Variants in ZNF532 observed in about 807,000 individuals in gnomAD.
The protein encoded by ZNF532 is zinc finger protein 532.
A neutral mutation model predicts 89.3 loss-of-function variants in ZNF532; 22 were observed. The observed-to-expected ratio is 0.25, with a 90% CI of 0.18 to 0.35. The LOEUF is 0.35. Ranked by LOEUF, ZNF532 falls within the 10% of genes least tolerant of loss-of-function variation. The pLI, the probability that ZNF532 is intolerant of heterozygous loss-of-function variation, is 1.00. For synonymous variants in ZNF532, 606 were observed against 649.6 expected, an observed-to-expected ratio of 0.93 and a Z score of 1.02; for missense variants, 1,132 against 1,643.4, an observed-to-expected ratio of 0.69 and a Z score of 5.38.
At chr18:58,973,089 A>C (rs2066644982) in intron 7 of ZNF532, among the ~76,000 whole-genome samples, 1 of 152,158 alleles carries the variant, frequency 6.6e-6, no homozygotes, top group Non-Finnish European at 1.5e-5. Flanking sequence ...TGTTTTACCT[A>C]CTAATTGAAA....
intron 7 of ZNF532, among the ~76,000 whole-genome samples, chr18:58,963,919 T>G (rs2065639979): frequency 6.6e-6 from 1 of 152,094 alleles, no homozygotes; most frequent in Non-Finnish European, 1.5e-5. Context: ...ATTGCCCCCC[T>G]TAATCTCCCT....
chr18:58,866,188 G>A (rs2056443546), intron 2 of ZNF532, among the ~76,000 whole-genome samples: 4 of 152,158 alleles, frequency 2.6e-5, no homozygotes, highest in African/African-American at 4.8e-5. Flanking sequence ...GGGGGAAGCC[G>A]GGTAGTCTGG....
At chr18:58,983,033 A>G (rs1603355428) in intron 9 of ZNF532, among the ~76,000 whole-genome samples, 1 of 151,848 alleles carries the variant, frequency 6.6e-6, no homozygotes, top group African/African-American at 2.4e-5. Context: ...AATCGCTTGA[A>G]CCCGGGAGGC....
intron 7 of ZNF532, among the ~76,000 whole-genome samples, chr18:58,959,275 T>G (rs2065115771): frequency 6.6e-6 from 1 of 150,536 alleles, no homozygotes; most frequent in Non-Finnish European, 1.5e-5. Flanking sequence ...TTTTTGTTTT[T>G]TTTTGGTTTT....
intron 7 of ZNF532, among the ~76,000 whole-genome samples, chr18:58,974,124 G>A (rs977563959): frequency 4.6e-5 from 7 of 151,636 alleles, no homozygotes; most frequent in African/African-American, 1.7e-4. Flanking sequence ...AATAAGCTCA[G>A]TTTTTTTTGC....
chr18:58,918,954 G>A lies in ZNF532; in HGVS notation c.667G>A (p.Ala223Thr), dbSNP rs780367140. ...SVYEPFKVRK[A>T]EDKLKESSDK... ...TTATGAACCTTTTAAAGTCAGAAAA[G>A]CAGAGGATAAATTGAAGGAAAGCTC... The change falls in exon 3 of 10, where the codon GCA (alanine) becomes ACA (threonine). Residue 223 changes from alanine to threonine, a missense_variant. By Grantham distance (58) the Ala-to-Thr change is moderately conservative. Coordinates refer to ENST00000591808, the MANE Select transcript of ZNF532 (RefSeq NM_001375912.1). The A allele has an allele frequency of 2.0e-5, 32 of 1,613,620 alleles. No individual in the cohort carries two copies. The highest frequency in any genetic ancestry group is 2.6e-5 in the Non-Finnish European group (31 of 1,180,038).
At chr18:58,880,096 A>C (rs1398035697) in intron 2 of ZNF532, among the ~76,000 whole-genome samples, 1 of 152,160 alleles carries the variant, frequency 6.6e-6, no homozygotes, top group Non-Finnish European at 1.5e-5. Flanking sequence ...AGTTGGACAA[A>C]AAAGAAAGGT....
chr18:58,948,724 C>T (rs1222997597), intron 6 of ZNF532, among the ~76,000 whole-genome samples: 1 of 152,030 alleles, frequency 6.6e-6, no homozygotes, highest in East Asian at 1.9e-4. Context: ...TGTACCACCA[C>T]ACCCGGCTAA....
intron 4 of ZNF532, among the ~76,000 whole-genome samples, chr18:58,936,043 T>C (rs926470738): frequency 3.3e-5 from 5 of 152,204 alleles, no homozygotes; most frequent in African/African-American, 1.2e-4. Context: ...TGCACAAATG[T>C]TTTATGGATT....
At chr18:58,878,388 A>G (rs898329503) in intron 2 of ZNF532, among the ~76,000 whole-genome samples, 2 of 152,258 alleles carry the variant, frequency 1.3e-5, no homozygotes, top group African/African-American at 2.4e-5. Flanking sequence ...TGCAGGACAG[A>G]TGGCCATGCA....
At chr18:58,895,720 C>T (rs2059201808) in intron 2 of ZNF532, among the ~76,000 whole-genome samples, 1 of 152,168 alleles carries the variant, frequency 6.6e-6, no homozygotes, top group African/African-American at 2.4e-5. Flanking sequence ...GGGCTCCCCA[C>T]CCCTCACACT....
At chr18:58,927,745 C>T (rs1362845905) in intron 3 of ZNF532, among the ~76,000 whole-genome samples, 1 of 152,176 alleles carries the variant, frequency 6.6e-6, no homozygotes, top group African/African-American at 2.4e-5. Flanking sequence ...ATATACCTGT[C>T]CTGTCTTCAA....
intron 7 of ZNF532, among the ~76,000 whole-genome samples, chr18:58,971,639 T>C (rs1376314665): frequency 6.6e-6 from 1 of 152,132 alleles, no homozygotes; most frequent in Non-Finnish European, 1.5e-5. Context: ...TTTGGTAGAG[T>C]TGAAGACTAG....
intron 4 of ZNF532, among the ~76,000 whole-genome samples, 173 bp from the exon 5 acceptor site, chr18:58,939,272 A>AAAAAAC (rs2062769679): frequency 6.7e-6 from 1 of 149,186 alleles, no homozygotes; most frequent in Non-Finnish European, 1.5e-5. Flanking sequence ...AAAAAAAAAA[A>AAAAAAC]AAACCCATAA....
intron 2 of ZNF532, among the ~76,000 whole-genome samples, chr18:58,866,598 C>T (rs1209221680): frequency 6.6e-6 from 1 of 152,202 alleles, no homozygotes; most frequent in African/African-American, 2.4e-5. Flanking sequence ...AAATTTTCCC[C>T]TACTTCGAAG....
chr18:58,890,787 G>T (rs2058841565), intron 2 of ZNF532, among the ~76,000 whole-genome samples: 1 of 150,014 alleles, frequency 6.7e-6, no homozygotes, highest in Non-Finnish European at 1.5e-5. Flanking sequence ...CTCTTCCTCA[G>T]ACCTCTTTAC....
intron 5 of ZNF532, among the ~76,000 whole-genome samples, chr18:58,945,355 C>T (rs1297448877): frequency 2.0e-5 from 3 of 152,322 alleles, no homozygotes; most frequent in South Asian, 2.1e-4. Flanking sequence ...ATCCACCTGT[C>T]TTACAAGGTA....
At chr18:58,907,159 G>GGCT (rs935088407) in intron 2 of ZNF532, among the ~76,000 whole-genome samples, 4 of 152,084 alleles carry the variant, frequency 2.6e-5, no homozygotes, top group African/African-American at 7.2e-5. Flanking sequence ...TGACCATTAA[G>GGCT]GCTGCTGCTG....
chr18:58,900,238 C>G, intron 2 of ZNF532, among the ~76,000 whole-genome samples: 1 of 152,264 alleles, frequency 6.6e-6, no homozygotes, highest in South Asian at 2.1e-4. Flanking sequence ...AGTCAGCATC[C>G]GGAATCTTTT....
Sources: allele counts gnomAD v4.1 joint callset (sites outside exome capture counted in the v4.1 genomes callset), GRCh38; gene constraint gnomAD v4.1.1; transcripts MANE v1.5; gene names NCBI Gene and HGNC (gene_info 2026-07-23, HGNC 2026-07-21).